Variants in GPC5 observed in about 807,000 individuals in gnomAD.
GPC5 encodes glypican-5.
A neutral mutation model predicts 53.9 loss-of-function variants in GPC5; 47 were observed. The observed-to-expected ratio is 0.87, with a 90% CI of 0.69 to 1.11. The LOEUF is 1.11. Ranked by LOEUF, GPC5 falls within the 50% of genes most tolerant of loss-of-function variation. The pLI, the probability that GPC5 is intolerant of heterozygous loss-of-function variation, is 0.00. For missense variants in GPC5, 748 were observed against 713.1 expected (o/e 1.05, Z -0.56); for synonymous variants, 286 against 263.3 (o/e 1.09, Z -0.84).
chr13:92,666,368 G>C (rs1886565673), intron 7 of GPC5, among the ~76,000 whole-genome samples: 1 of 152,006 alleles, frequency 6.6e-6, no homozygotes, highest in Non-Finnish European at 1.5e-5. Context: ...AGAAACTGGA[G>C]TAAATAAAAT....
At chr13:92,864,598 T>C (rs193017968) in intron 7 of GPC5, among the ~76,000 whole-genome samples, 3 of 152,192 alleles carry the variant, frequency 2.0e-5, no homozygotes, top group Admixed American at 2.0e-4. Flanking sequence ...GGAGTCCTCA[T>C]AGCTTCTTGT....
rs1879953830 is a variant in GPC5, at chr13:91,436,340, C to G, written c.164-12421C>G. 4.6e-5 allele frequency among the ~76,000 whole-genome samples: 7 copies of G among 151,826 alleles called. No individual in the cohort carries two copies. The South Asian group carries it at 1.5e-3, about 32-fold the overall frequency. On this transcript the variant is annotated intron_variant, in intron 1 of 7. Transcript: ENST00000377067. ...TGGGCATTTAGTGCTATAAATTTCC[C>G]TCTACACACTGCTTTGAATGTGTCC...
chr13:92,632,510 A>T (rs1451547953), intron 7 of GPC5, among the ~76,000 whole-genome samples: 1 of 148,922 alleles, frequency 6.7e-6, no homozygotes, highest in Admixed American at 6.7e-5. Flanking sequence ...GCACACACAC[A>T]TATACATACA....
At chr13:91,726,221 G>A (rs2036573666) in intron 3 of GPC5, among the ~76,000 whole-genome samples, 2 of 151,930 alleles carry the variant, frequency 1.3e-5, no homozygotes, top group Admixed American at 6.6e-5. Context: ...TCATTTGCCC[G>A]GCCCTGTTGA....
intron 7 of GPC5, among the ~76,000 whole-genome samples, chr13:92,152,437 C>T (rs978284754): frequency 2.0e-4 from 30 of 152,066 alleles, no homozygotes; most frequent in African/African-American, 4.1e-4. Context: ...AGTGTCTACC[C>T]AACTCACACC....
chr13:92,440,599 C>G (rs1877509346), intron 7 of GPC5, among the ~76,000 whole-genome samples: 1 of 152,084 alleles, frequency 6.6e-6, no homozygotes, highest in South Asian at 2.1e-4. Context: ...AATTTATTTT[C>G]CTTTGGGTAT....
At chr13:91,743,651 A>G (rs927799430) in intron 4 of GPC5, among the ~76,000 whole-genome samples, 3 of 152,138 alleles carry the variant, frequency 2.0e-5, no homozygotes, top group Non-Finnish European at 4.4e-5. Context: ...ATCCACCACA[A>G]TTGTCTTCGA....
intron 6 of GPC5, among the ~76,000 whole-genome samples, chr13:91,920,077 T>A (rs1399155646): frequency 6.6e-6 from 1 of 151,678 alleles, no homozygotes; most frequent in Non-Finnish European, 1.5e-5. Flanking sequence ...CAATCAATGA[T>A]CACTGCACAT....
chr13:91,994,455 C>G (rs768889945), intron 6 of GPC5: 2 of 152,122 alleles, frequency 1.3e-5, no homozygotes, highest in African/African-American at 2.4e-5. Context: ...CTGTTAGGTA[C>G]TGAGATACAA....
At chr13:92,779,620 A>T (rs1256184278) in intron 7 of GPC5, among the ~76,000 whole-genome samples, 1 of 152,092 alleles carries the variant, frequency 6.6e-6, no homozygotes, top group African/African-American at 2.4e-5. Context: ...TTTATCCCAA[A>T]GTACTGGGAT....
At chr13:91,658,883 A>AT (rs532145926) in intron 2 of GPC5, among the ~76,000 whole-genome samples, 1 of 151,978 alleles carries the variant, frequency 6.6e-6, no homozygotes, top group African/African-American at 2.4e-5. Flanking sequence ...ATCTCAGCTC[A>AT]TGACACTAGT....
At chr13:92,762,912 T>G (rs1338996183) in intron 7 of GPC5, among the ~76,000 whole-genome samples, 1 of 152,064 alleles carries the variant, frequency 6.6e-6, no homozygotes, top group African/African-American at 2.4e-5. Context: ...TGTTTTATTT[T>G]TATTTCATTC....
chr13:92,133,352 G>A (rs1365275660), intron 6 of GPC5, among the ~76,000 whole-genome samples: 1 of 152,170 alleles, frequency 6.6e-6, no homozygotes, highest in Non-Finnish European at 1.5e-5. Context: ...AATGGGATCA[G>A]AATGAGCTCC....
At chr13:92,379,945 G>T (rs773498533) in intron 7 of GPC5, among the ~76,000 whole-genome samples, 4 of 152,078 alleles carry the variant, frequency 2.6e-5, no homozygotes, top group Admixed American at 2.6e-4. Context: ...CAGAAAGATG[G>T]CTCAATCCTG....
At chr13:91,916,765 T>C (rs555331717) in intron 6 of GPC5, among the ~76,000 whole-genome samples, 48 of 152,070 alleles carry the variant, frequency 3.2e-4, no homozygotes, top group Admixed American at 3.9e-4. Context: ...AGAGAATGAG[T>C]GCAAGCAGAG....
intron 7 of GPC5, among the ~76,000 whole-genome samples, chr13:92,774,075 C>T (rs755337130): frequency 1.3e-5 from 2 of 152,220 alleles, no homozygotes; most frequent in Non-Finnish European, 2.9e-5. Context: ...CCTCCCACCA[C>T]ATGTGGGGAT....
At chr13:91,454,139 T>C (rs1307068493) in intron 2 of GPC5, among the ~76,000 whole-genome samples, 2 of 152,048 alleles carry the variant, frequency 1.3e-5, no homozygotes, top group African/African-American at 2.4e-5. Flanking sequence ...ATCTCTGCAA[T>C]GTTAAAAATT....
chr13:91,469,129 G>A (rs1882438727), intron 2 of GPC5, among the ~76,000 whole-genome samples: 1 of 151,014 alleles, frequency 6.6e-6, no homozygotes, highest in South Asian at 2.1e-4. Context: ...CTTTTTTTGA[G>A]ACATAGTCTT....
chr13:92,637,468 G>A (rs1273405867), intron 7 of GPC5, among the ~76,000 whole-genome samples: 2 of 152,154 alleles, frequency 1.3e-5, no homozygotes, highest in Non-Finnish European at 2.9e-5. Context: ...AATTCACATA[G>A]CATCATAAGT....
Sources: allele counts gnomAD v4.1 joint callset (sites outside exome capture counted in the v4.1 genomes callset), GRCh38; gene constraint gnomAD v4.1.1; transcripts MANE v1.5; gene names NCBI Gene and HGNC (gene_info 2026-07-23, HGNC 2026-07-21).